Variants in THSD7A observed in about 807,000 individuals in gnomAD.
THSD7A encodes the protein thrombospondin type 1 domain containing 7A, also known as thrombospondin type-1 domain-containing protein 7A.
In THSD7A, 96 loss-of-function variants were observed where a neutral mutation model predicts 231.3. The ratio of observed to expected loss-of-function variants is 0.41; its 90% CI spans 0.35 to 0.49. THSD7A has a LOEUF of 0.49. Among genes scored for constraint, THSD7A ranks in the 20% least tolerant of loss-of-function variants. The pLI is 0.05. For missense variants in THSD7A, 2,290 were observed against 2,070.2 expected (o/e 1.11, Z -2.06); for synonymous variants, 940 against 743.3 (o/e 1.26, Z -4.30).
intron 19 of THSD7A, among the ~76,000 whole-genome samples, chr7:11,408,454 C>T (rs1783662775): frequency 1.3e-5 from 2 of 150,188 alleles, no homozygotes; most frequent in Admixed American, 6.7e-5. Flanking sequence ...GCTGAGATGG[C>T]ACCACTGCAC....
rs144756140 is a variant in THSD7A at position 11,739,721 on chromosome 7, T to G, written c.190+92036A>C. Among the ~76,000 whole-genome samples the G allele has an allele frequency of 4.6e-3, 696 of 152,028 alleles. 5 individuals are homozygous for G. Among genetic ancestry groups the G allele is most frequent in the African/African-American group, 0.016 (661 of 41,516 alleles). On this transcript the variant is annotated intron_variant, in intron 1 of 27. Transcript: ENST00000423059. ...TAGGCATGAACCACAGCACCCAGCC[T>G]CATCATCATCTCTTGCCTGGTCAAC...
intron 1 of THSD7A, chr7:11,820,837 T>A: frequency 1.0e-6 from 1 of 972,706 alleles, no homozygotes; most frequent in Non-Finnish European, 1.6e-6. Flanking sequence ...GCTTCTTTGA[T>A]CCTTTATAAG....
chr7:11,556,394 A>G (rs1002075473), intron 4 of THSD7A, among the ~76,000 whole-genome samples: 4 of 151,754 alleles, frequency 2.6e-5, no homozygotes, highest in African/African-American at 9.7e-5. Flanking sequence ...TAAAGTATAG[A>G]AATCTTACCC....
At chr7:11,578,980 T>C (rs1584016535) in intron 4 of THSD7A, among the ~76,000 whole-genome samples, 1 of 150,814 alleles carries the variant, frequency 6.6e-6, no homozygotes, top group East Asian at 2.0e-4. Context: ...CTACTTTGAG[T>C]TCTTGAATTG....
At chr7:11,509,689 G>C (rs577228225) in intron 6 of THSD7A, among the ~76,000 whole-genome samples, 75 of 151,016 alleles carry the variant, frequency 5.0e-4, no homozygotes, top group African/African-American at 1.7e-3. Flanking sequence ...GGGCGCAGTG[G>C]CGGGTGCCTG....
At chr7:11,605,860 G>C (rs1420537699) in intron 2 of THSD7A, among the ~76,000 whole-genome samples, 1 of 152,062 alleles carries the variant, frequency 6.6e-6, no homozygotes, top group Non-Finnish European at 1.5e-5. Flanking sequence ...GTTGCTGCTG[G>C]CACACACTGC....
intron 4 of THSD7A, among the ~76,000 whole-genome samples, chr7:11,553,595 C>T (rs1366987416): frequency 1.3e-5 from 2 of 152,134 alleles, no homozygotes; most frequent in Middle Eastern, 3.4e-3. Flanking sequence ...ACATATTAAA[C>T]TTTAAGAAGA....
intron 6 of THSD7A, among the ~76,000 whole-genome samples, chr7:11,512,058 A>G (rs1156514465): frequency 6.6e-6 from 1 of 152,248 alleles, no homozygotes; most frequent in Non-Finnish European, 1.5e-5. Context: ...TAATATCCAG[A>G]ATCTACAAAG....
intron 1 of THSD7A, among the ~76,000 whole-genome samples, chr7:11,799,669 G>A (rs1449762585): frequency 6.6e-6 from 1 of 152,144 alleles, no homozygotes; most frequent in African/African-American, 2.4e-5. Context: ...GACAGCAAAA[G>A]AAATAAGCAT....
At chr7:11,788,429 T>TC (rs1428179604) in intron 1 of THSD7A, among the ~76,000 whole-genome samples, 2 of 151,992 alleles carry the variant, frequency 1.3e-5, no homozygotes, top group African/African-American at 4.8e-5. Context: ...TCTGAGCATT[T>TC]CCCCCCAATC....
chr7:11,460,786 C>T (rs1351904487), intron 10 of THSD7A, 21 bp from the exon 11 acceptor site: 1 of 1,599,570 alleles, frequency 6.3e-7, no homozygotes, highest in South Asian at 1.1e-5. Flanking sequence ...GGAACAGAAG[C>T]CCAGTGGGGA....
At chr7:11,705,498 A>G (rs1425289985) in intron 1 of THSD7A, among the ~76,000 whole-genome samples, 1 of 150,846 alleles carries the variant, frequency 6.6e-6, no homozygotes, top group Non-Finnish European at 1.5e-5. Flanking sequence ...TGTGTCTTCT[A>G]TTTGCTCTTC....
At chr7:11,666,793 G>A (rs1416770211) in intron 1 of THSD7A, among the ~76,000 whole-genome samples, 1 of 151,484 alleles carries the variant, frequency 6.6e-6, no homozygotes, top group Non-Finnish European at 1.5e-5. Flanking sequence ...AAACGTGGAG[G>A]CTGATATTCC....
rs1302015897 is a variant in THSD7A, at chr7:11,634,033, A to G, written c.1022+2097T>C. ...TCTTCACTTTATTGGCTTCACTGAT[A>G]TCATGGTATAATATCTGAGCAAAAC... On this transcript the variant is annotated intron_variant, in intron 2 of 27. Coordinates refer to ENST00000423059, the MANE Select transcript of THSD7A (RefSeq NM_015204.3). This position sits in a 1 kb window ranked among gnomAD's most constrained non-coding sequence, Gnocchi z 4.1. Among the ~76,000 whole-genome samples, 3 of 152,146 alleles carry G rather than the reference A, an allele frequency of 2.0e-5. No homozygotes were observed. Among genetic ancestry groups the G allele is most frequent in the Non-Finnish European group, 4.4e-5 (3 of 68,012 alleles).
intron 1 of THSD7A, among the ~76,000 whole-genome samples, chr7:11,672,787 A>G (rs1255691341): frequency 1.3e-5 from 2 of 152,186 alleles, no homozygotes; most frequent in Non-Finnish European, 2.9e-5. Flanking sequence ...CTTTTACAGA[A>G]GCAAATTCAT....
At chr7:11,428,765 G>A (rs564698369) in intron 14 of THSD7A, among the ~76,000 whole-genome samples, 182 bp downstream of exon 14, 2 of 152,214 alleles carry the variant, frequency 1.3e-5, no homozygotes, top group South Asian at 2.1e-4. Flanking sequence ...AATCTCCAGA[G>A]AATACAGATA....
intron 1 of THSD7A, among the ~76,000 whole-genome samples, chr7:11,800,604 T>C (rs1318222783): frequency 7.2e-5 from 11 of 152,190 alleles, no homozygotes; most frequent in Admixed American, 7.2e-4. Flanking sequence ...TATTGGACAT[T>C]ATGCTAAGTG....
chr7:11,783,783 T>C (rs1251570539), intron 1 of THSD7A, among the ~76,000 whole-genome samples: 2 of 152,098 alleles, frequency 1.3e-5, no homozygotes, highest in African/African-American at 4.8e-5. Context: ...AAATACACAA[T>C]AGTCTAGAAA....
intron 1 of THSD7A, among the ~76,000 whole-genome samples, chr7:11,685,779 T>C (rs1589944): frequency 0.37 from 55,965 of 151,734 alleles, 10,569 homozygotes; most frequent in Non-Finnish European, 0.42. Flanking sequence ...GTAATGTAAA[T>C]TAAATTAGCC....
Sources: allele counts gnomAD v4.1 joint callset (sites outside exome capture counted in the v4.1 genomes callset), GRCh38; gene constraint gnomAD v4.1.1; non-coding constraint Gnocchi (gnomAD v3.1); transcripts MANE v1.5; gene names NCBI Gene and HGNC (gene_info 2026-07-23, HGNC 2026-07-21).